The following RPS6KC1 variants were observed in gnomAD, a reference collection of about 807,000 sequenced individuals.
RPS6KC1 encodes the protein inactive ribosomal protein S6 kinase delta-1.
RPS6KC1 carries 54 observed loss-of-function variants against 103.8 expected under a neutral mutation model. That is an observed-to-expected ratio of 0.52 (90% CI 0.42 to 0.65). RPS6KC1 has a LOEUF of 0.65. Among genes scored for constraint, RPS6KC1 ranks in the 30% least tolerant of loss-of-function variants. The pLI, the probability that RPS6KC1 is intolerant of heterozygous loss-of-function variation, is 0.00. For missense variants in RPS6KC1, 1,151 were observed against 1,253.8 expected, an observed-to-expected ratio of 0.92 and a Z score of 1.24; for synonymous variants, 439 against 438.7, an observed-to-expected ratio of 1.00 and a Z score of -0.01.
At chr1:213,749,926 G>A in the RPS6KC1 span, among the ~76,000 whole-genome samples, 2 of 152,178 alleles carry the variant, frequency 1.3e-5, no homozygotes, top group Non-Finnish European at 2.9e-5. Context: ...ACATCCCCAC[G>A]GTCACTGTTT....
chr1:213,441,095 G>A, the RPS6KC1 span, among the ~76,000 whole-genome samples: 1 of 152,144 alleles, frequency 6.6e-6, no homozygotes, highest in African/African-American at 2.4e-5. Flanking sequence ...AACAGGGAGG[G>A]TTAAGGAATT....
At chr1:213,424,627 A>C in the RPS6KC1 span, among the ~76,000 whole-genome samples, 10 of 152,238 alleles carry the variant, frequency 6.6e-5, no homozygotes, top group Non-Finnish European at 1.0e-4. Flanking sequence ...CTGCACCCTG[A>C]TGGACAGTGC....
chr1:213,349,351 G>A, the RPS6KC1 span, among the ~76,000 whole-genome samples: 367 of 152,282 alleles, frequency 2.4e-3, 1 homozygote, highest in Non-Finnish European at 4.0e-3. Flanking sequence ...CAGGGCTGAC[G>A]TGGGGGACGG....
At chr1:213,089,194 G>A (rs1016354178) in intron 3 of RPS6KC1, among the ~76,000 whole-genome samples, 3 of 152,198 alleles carry the variant, frequency 2.0e-5, no homozygotes, top group Admixed American at 6.5e-5. Flanking sequence ...TAGTTCTGAT[G>A]ATGGGTCTTC....
the RPS6KC1 span, among the ~76,000 whole-genome samples, chr1:213,501,679 G>A: frequency 6.6e-6 from 1 of 150,584 alleles, no homozygotes; most frequent in African/African-American, 2.4e-5. Flanking sequence ...GGGCTGCAGT[G>A]AGCGAAGATT....
At chr1:213,257,043 A>T (rs1349094316) in intron 12 of RPS6KC1, among the ~76,000 whole-genome samples, 1 of 152,120 alleles carries the variant, frequency 6.6e-6, no homozygotes, top group Non-Finnish European at 1.5e-5. Flanking sequence ...TATTTATTTT[A>T]AAAAATAGTA....
Position 213,241,258 on chromosome 1 carries a change from A to G in RPS6KC1, c.1782A>G (p.Lys594=). ...CATCAGATTCCCTCAGTAGATCAAAAAATAGCCCCATGGAATTCTTTAGGA... is the reference window on the plus strand; with the variant it reads ...CATCAGATTCCCTCAGTAGATCAAAGAATAGCCCCATGGAATTCTTTAGGA... ...PRTSDSLSRS[K]NSPMEFFRID... Residue 594 remains lysine, a synonymous_variant, in exon 11 of 15, where the codon AAA becomes AAG. Transcript: ENST00000366960. 1.2e-6 allele frequency: 2 copies of G among 1,613,942 alleles called. No homozygotes were observed. Among genetic ancestry groups the G allele is most frequent in the South Asian group, 2.2e-5 (2 of 91,072 alleles).
chr1:213,177,000 A>G (rs766040489), intron 8 of RPS6KC1, among the ~76,000 whole-genome samples: 4 of 152,188 alleles, frequency 2.6e-5, no homozygotes, highest in Non-Finnish European at 5.9e-5. Flanking sequence ...ACTTGGCCCA[A>G]AGTCACATAG....
chr1:213,313,881 A>AGGCGGAGCTT, the RPS6KC1 span, among the ~76,000 whole-genome samples: 1 of 152,226 alleles, frequency 6.6e-6, no homozygotes, highest in South Asian at 2.1e-4. Context: ...TGAACCTGGG[A>AGGCGGAGCTT]GGCGGAGCTT....
the RPS6KC1 span, among the ~76,000 whole-genome samples, chr1:213,689,342 T>A: frequency 6.6e-6 from 1 of 152,172 alleles, no homozygotes; most frequent in Admixed American, 6.5e-5. Context: ...CTCCACCCCA[T>A]CCCATGCCCC....
At chr1:213,262,585 G>A (rs76753403) in intron 13 of RPS6KC1, 136 bp from the exon 14 acceptor site, 19,779 of 654,136 alleles carry the variant, frequency 0.03, 456 homozygotes, top group African/African-American at 0.084. Context: ...AAACTGCTTA[G>A]GCGGCACTGT....
chr1:213,702,150 C>G, the RPS6KC1 span, among the ~76,000 whole-genome samples: 2 of 151,688 alleles, frequency 1.3e-5, no homozygotes, highest in African/African-American at 4.8e-5. Context: ...TTTCAATTTT[C>G]TTTTTAATTT....
chr1:213,821,507 C>T, the RPS6KC1 span: 2 of 152,216 alleles, frequency 1.3e-5, no homozygotes, highest in African/African-American at 2.4e-5. Flanking sequence ...ACATATTTGC[C>T]GTAAATCTGC....
the RPS6KC1 span, among the ~76,000 whole-genome samples, chr1:213,369,873 G>A: frequency 6.6e-6 from 1 of 152,212 alleles, no homozygotes; most frequent in Non-Finnish European, 1.5e-5. Flanking sequence ...TTCGGGGGAA[G>A]TGAGAGCTTC....
At chr1:213,371,397 G>T in the RPS6KC1 span, among the ~76,000 whole-genome samples, 3 of 152,176 alleles carry the variant, frequency 2.0e-5, no homozygotes, top group Admixed American at 2.0e-4. Flanking sequence ...CTGCTGTGAT[G>T]AACATGGGTG....
intron 6 of RPS6KC1, among the ~76,000 whole-genome samples, chr1:213,156,926 A>AT (rs998274516): frequency 5.3e-5 from 8 of 151,448 alleles, no homozygotes; most frequent in African/African-American, 1.7e-4. Flanking sequence ...TTTCTGTTTC[A>AT]TTTTTTTCTC....
At chr1:213,693,775 A>C in the RPS6KC1 span, among the ~76,000 whole-genome samples, 1 of 152,200 alleles carries the variant, frequency 6.6e-6, no homozygotes, top group South Asian at 2.1e-4. Flanking sequence ...TATTGGTGTA[A>C]GTTTAGGGCC....
chr1:213,629,661 G>A, the RPS6KC1 span, among the ~76,000 whole-genome samples: 1 of 152,172 alleles, frequency 6.6e-6, no homozygotes, highest in Non-Finnish European at 1.5e-5. Flanking sequence ...GTTAGTTGAT[G>A]CAGTTTCTTC....
At chr1:213,454,287 T>A in the RPS6KC1 span, among the ~76,000 whole-genome samples, 1 of 152,318 alleles carries the variant, frequency 6.6e-6, no homozygotes, top group South Asian at 2.1e-4. Flanking sequence ...ATTCTTAATA[T>A]CAATCTGACA....
Sources: gnomAD v4.1 joint callset for allele counts (sites outside exome capture counted in the v4.1 genomes callset) on GRCh38, gnomAD v4.1.1 for gene constraint, MANE v1.5 for transcripts, NCBI Gene and HGNC (gene_info 2026-07-23, HGNC 2026-07-21) for gene names.